Variants in IGF2R observed in about 807,000 individuals in gnomAD.
IGF2R encodes the protein cation-independent mannose-6-phosphate receptor.
Under a neutral mutation model 270.6 loss-of-function variants are expected in IGF2R, and 91 were observed. The ratio of observed to expected loss-of-function variants is 0.34; its 90% CI spans 0.28 to 0.40. IGF2R has a LOEUF of 0.40. Among genes scored for constraint, IGF2R ranks in the 10% least tolerant of loss-of-function variants. IGF2R has a pLI of 1.00. For synonymous variants in IGF2R, 1,316 were observed against 1,258.9 expected (o/e 1.05, Z -0.96); for missense variants, 2,805 against 3,188.3 (o/e 0.88, Z 2.90).
intron 4 of IGF2R, among the ~76,000 whole-genome samples, chr6:160,023,630 C>A (rs1777486938): frequency 6.6e-6 from 1 of 152,146 alleles, no homozygotes. Flanking sequence ...AGGTTAACTT[C>A]ATTCATGGTC....
intron 37 of IGF2R, among the ~76,000 whole-genome samples, 194 bp downstream of exon 37, chr6:160,078,556 G>A (rs779651530): frequency 3.3e-5 from 5 of 152,304 alleles, no homozygotes; most frequent in Admixed American, 6.5e-5. Context: ...CCAACTCAGC[G>A]CAGCTGACAC....
chr6:160,020,352 AT>A (rs767973454), intron 4 of IGF2R, among the ~76,000 whole-genome samples: 37 of 152,328 alleles, frequency 2.4e-4, no homozygotes, highest in Non-Finnish European at 3.7e-4. Context: ...AAGAATCAAT[AT>A]CATTAAAATG....
intron 39 of IGF2R, 50 bp from the exon 40 acceptor site, chr6:160,083,899 CA>C (rs1779039745): frequency 8.0e-7 from 1 of 1,244,714 alleles, no homozygotes; most frequent in Admixed American, 1.7e-5. Context: ...TCCCTTTCTG[CA>C]TAGACACAGT....
At position 160,104,772 on chromosome 6, in the gene IGF2R, C is replaced by T. The variant is rs201995036; in HGVS notation, c.7164C>T (p.Asn2388=). ...GGCAGGGAAAGGAAGGGCAGGAGAA[C>T]GGCCATATTACCACCAAGTCAGTGA... is the stretch of plus-strand genomic sequence containing the variant. The part of the protein sequence containing the change: ...PPRQGKEGQE[N]GHITTKSVKA... The change falls in exon 48 of 48, where the codon AAC becomes AAT. Residue 2388 remains asparagine, a synonymous_variant. Transcript: ENST00000356956. 218 of 1,614,128 alleles carry T rather than the reference C, an allele frequency of 1.4e-4. No individual in the cohort carries two copies. Among genetic ancestry groups the T allele is most frequent in the African/African-American group, 2.9e-4 (22 of 75,026 alleles).
chr6:160,034,384 C>A, intron 9 of IGF2R, 35 bp from the exon 10 acceptor site: 2 of 1,379,770 alleles, frequency 1.4e-6, no homozygotes, highest in South Asian at 1.2e-5. Context: ...TTGGTTCTCC[C>A]AAACACATTT....
rs576550673 is a variant in IGF2R at position 160,093,696 on chromosome 6, A to G, written c.6656-2743A>G. On this transcript the variant is annotated intron_variant, in intron 44 of 47. Coordinates refer to ENST00000356956, the MANE Select transcript of IGF2R (RefSeq NM_000876.4). ...CATTTCCAAACCATTGAGGATAATG[A>G]AAAGAGCAAAGTTGTGAATGGACCT... 7 of 757,292 alleles carry G rather than the reference A, an allele frequency of 9.2e-6. No homozygotes were observed. The Middle Eastern group carries it at 9.7e-4, about 105-fold the overall frequency. 46.9% of individuals were successfully genotyped at this position (757,292 alleles called of 1,614,324 possible).
intron 10 of IGF2R, among the ~76,000 whole-genome samples, chr6:160,037,655 T>A (rs73781821): frequency 0.023 from 3,554 of 152,332 alleles, 141 homozygotes; most frequent in African/African-American, 0.081. Context: ...GTGATTTTTT[T>A]AAATAAAGAT....
At chr6:160,090,194 C>T (rs1779188105) in intron 44 of IGF2R, 91 bp downstream of exon 44, 6 of 913,244 alleles carry the variant, frequency 6.6e-6, no homozygotes, top group East Asian at 3.0e-5. Flanking sequence ...GTTGAAATCT[C>T]GGACCACTTT....
intron 1 of IGF2R, among the ~76,000 whole-genome samples, chr6:159,989,928 A>G (rs1438889614): frequency 6.6e-6 from 1 of 152,240 alleles, no homozygotes; most frequent in Non-Finnish European, 1.5e-5. Flanking sequence ...TGATTGATGC[A>G]TTAGCAATAA....
intron 4 of IGF2R, 43 bp downstream of exon 4, chr6:160,010,828 T>C (rs1313923045): frequency 1.7e-6 from 2 of 1,150,286 alleles, no homozygotes; most frequent in Non-Finnish European, 2.6e-6. Context: ...AAGTATACTC[T>C]GGGGAACTTT....
intron 47 of IGF2R, 94 bp downstream of exon 47, chr6:160,103,909 C>A: frequency 1.3e-6 from 1 of 789,412 alleles, no homozygotes; most frequent in Non-Finnish European, 2.2e-6. Flanking sequence ...CCAAGGAAAG[C>A]AGTCACAGGC....
At chr6:160,068,423 G>T (rs1476998808) in intron 30 of IGF2R, 38 bp downstream of exon 30, 1 of 1,610,380 alleles carries the variant, frequency 6.2e-7, no homozygotes, top group Non-Finnish European at 8.5e-7. Flanking sequence ...TGTTTGCAGT[G>T]AGTGTATCAC....
chr6:160,101,531 G>A (rs1049646143), intron 45 of IGF2R, among the ~76,000 whole-genome samples: 6 of 152,244 alleles, frequency 3.9e-5, no homozygotes, highest in Non-Finnish European at 7.3e-5. Context: ...CAGCCCTTGC[G>A]GCTGGGCCGC....
chr6:160,018,520 T>G (rs1210274604), intron 4 of IGF2R, among the ~76,000 whole-genome samples: 1 of 152,108 alleles, frequency 6.6e-6, no homozygotes. Flanking sequence ...AGAACATATA[T>G]TCTTCTCATC....
chr6:160,074,558 G>A (rs1778816467), intron 35 of IGF2R, among the ~76,000 whole-genome samples: 1 of 152,214 alleles, frequency 6.6e-6, no homozygotes, highest in Admixed American at 6.5e-5. Context: ...ACAGGCATGA[G>A]CCACAGTGCC....
Position 160,060,549 on chromosome 6 carries a change from A to G in IGF2R, c.3094A>G (p.Thr1032Ala). 2 of 1,614,206 alleles carry G rather than the reference A, an allele frequency of 1.2e-6. No individual in the cohort carries two copies. Among genetic ancestry groups the G allele is most frequent in the Non-Finnish European group, 1.7e-6 (2 of 1,179,996 alleles). Reference protein sequence around the residue: ...TYKGPLSAKGTADAFIVRFVC... With the variant: ...TYKGPLSAKGAADAFIVRFVC... ...ATCTGGGCCTTCTTGCTTTACAGGTACCGCTGATGCTTTTATCGTCCGCTT... is the reference window on the plus strand; with the variant it reads ...ATCTGGGCCTTCTTGCTTTACAGGTGCCGCTGATGCTTTTATCGTCCGCTT... The change falls in exon 23 of 48, where the codon ACC becomes GCC. Residue 1032 changes from threonine to alanine, a missense_variant and splice_region_variant. Transcript: ENST00000356956.
intron 29 of IGF2R, 32 bp from the exon 30 acceptor site, chr6:160,068,217 G>A (rs773088984): frequency 7.4e-6 from 12 of 1,613,026 alleles, no homozygotes; most frequent in Admixed American, 5.0e-5. Flanking sequence ...ATACGACCAA[G>A]CCTAACTAAC....
intron 31 of IGF2R, among the ~76,000 whole-genome samples, chr6:160,071,263 C>T (rs370268707): frequency 1.8e-4 from 19 of 103,132 alleles, no homozygotes; most frequent in East Asian, 1.1e-3. Context: ...GCCCAGGGCC[C>T]AGGAGGCTGG....
In IGF2R at chr6:159,998,878, T is replaced by C. The variant is rs571295916; in HGVS notation, c.289+7555T>C. ...TTGCACATTCATGTGCTAGGCCTAATGTTTAAAAGTAAAATATCTCATTTA... is the reference window on the plus strand; with the variant it reads ...TTGCACATTCATGTGCTAGGCCTAACGTTTAAAAGTAAAATATCTCATTTA... On this transcript the variant is annotated intron_variant, in intron 2 of 47. Transcript: ENST00000356956. The surrounding 1 kb of genome is among the most constrained non-coding windows in gnomAD (Gnocchi z 4.1). Among the ~76,000 whole-genome samples the C allele has an allele frequency of 2.7e-4, 41 of 152,364 alleles. No homozygotes were observed. In the South Asian group the frequency reaches 5.4e-3, roughly 20 times the overall value.
Sources: gnomAD v4.1 joint callset for allele counts (sites outside exome capture counted in the v4.1 genomes callset) on GRCh38, gnomAD v4.1.1 for gene constraint, Gnocchi (gnomAD v3.1) non-coding constraint, MANE v1.5 for transcripts, NCBI Gene and HGNC (gene_info 2026-07-23, HGNC 2026-07-21) for gene names.